ERC2: variants seen among roughly 807,000 people sequenced by gnomAD.
ERC2 encodes the protein ELKS/RAB6-interacting/CAST family member 2.
ERC2 carries 42 observed loss-of-function variants against 114.8 expected under a neutral mutation model. The observed-to-expected ratio is 0.37, with a 90% confidence interval of 0.29 to 0.47. The LOEUF (loss-of-function observed/expected upper bound fraction) is 0.47, where lower values mean the gene tolerates loss of function less well. Ranked by LOEUF, ERC2 falls within the 20% of genes least tolerant of loss-of-function variation. The pLI, the probability that ERC2 is intolerant of heterozygous loss-of-function variation, is 0.99. For missense variants in ERC2, 939 were observed against 1,150.7 expected (o/e 0.82, Z 2.66); for synonymous variants, 454 against 425.5 (o/e 1.07, Z -0.82).
At chr3:56,103,371 C>T (rs1028652998) in intron 6 of ERC2, among the ~76,000 whole-genome samples, 2 of 152,012 alleles carry the variant, frequency 1.3e-5, no homozygotes, top group Non-Finnish European at 2.9e-5. Context: ...CAAATATGCC[C>T]GCGAGAAGAA....
intron 1 of ERC2, among the ~76,000 whole-genome samples, chr3:56,465,993 C>T (rs566795127): frequency 7.9e-5 from 12 of 152,224 alleles, no homozygotes; most frequent in South Asian, 4.1e-4. Flanking sequence ...AAGACGAACC[C>T]GGGCTCAGGT....
chr3:55,580,392 T>TA (rs2057201192), intron 17 of ERC2, among the ~76,000 whole-genome samples: 1 of 152,162 alleles, frequency 6.6e-6, no homozygotes, highest in East Asian at 1.9e-4. Flanking sequence ...CTTTTCAATG[T>TA]CAGGAAACTC....
intron 14 of ERC2, among the ~76,000 whole-genome samples, chr3:55,796,642 T>G (rs1305384317): frequency 2.0e-5 from 3 of 152,178 alleles, no homozygotes; most frequent in Non-Finnish European, 4.4e-5. Context: ...GCCAGGCTGG[T>G]CTTGACTCCT....
chr3:55,929,759 T>C (rs1576241011), intron 13 of ERC2, among the ~76,000 whole-genome samples: 1 of 152,244 alleles, frequency 6.6e-6, no homozygotes, highest in African/African-American at 2.4e-5. Flanking sequence ...TCTCAGGAGA[T>C]CTGCTTGTTT....
chr3:55,705,857 CTTTTATTTTA>C (rs145166882), intron 15 of ERC2, among the ~76,000 whole-genome samples: 4 of 151,968 alleles, frequency 2.6e-5, no homozygotes, highest in African/African-American at 4.8e-5. Flanking sequence ...TCATTAAGCA[CTTTTATTTTA>C]TTTTATTTTA....
rs56851837 is a variant in ERC2, at chr3:55,942,266, CTTTTTTTTTTTTTTTT to C, written c.2403+8143_2403+8158del. 7.5e-3 allele frequency among the ~76,000 whole-genome samples: 314 copies of C among 42,100 alleles called. 3 individuals are homozygous for C. Among genetic ancestry groups the C allele is most frequent in the South Asian group, 0.063 (56 of 890 alleles). 27.6% of individuals were successfully genotyped at this position (42,100 alleles called of 152,430 possible). A position where few individuals can be genotyped will look rare whatever the true frequency, so the allele number is the denominator to read the frequency against. ...TATTAAATGAAGTCTAAGGTCCTTT[CTTTTTTTTTTTTTTTT>C]TTTTTTTTTTTTTTTTTTTTTGTTG... is the stretch of plus-strand genomic sequence containing the variant. On this transcript the variant is annotated intron_variant, in intron 13 of 17. Transcript: ENST00000288221.
chr3:55,795,199 GA>G (rs2070378766), intron 14 of ERC2, among the ~76,000 whole-genome samples: 1 of 152,080 alleles, frequency 6.6e-6, no homozygotes, highest in East Asian at 1.9e-4. Context: ...GGACAAACCG[GA>G]AAGATCCCCT....
At chr3:56,035,639 G>T (rs2074744937) in intron 7 of ERC2, among the ~76,000 whole-genome samples, 1 of 152,152 alleles carries the variant, frequency 6.6e-6, no homozygotes, top group Non-Finnish European at 1.5e-5. Flanking sequence ...TGTGCCTTTG[G>T]CTTTGTGAGG....
rs142071888 is a variant in ERC2 at position 55,654,929 on chromosome 3, G to A, written c.*39+28865C>T. Reference sequence around the variant, plus strand: ...TGGCCTGCTAGGCTCGACCATTTCAGTGTATGCAGCCCAACCTCTAACTGC... The same window carrying A: ...TGGCCTGCTAGGCTCGACCATTTCAATGTATGCAGCCCAACCTCTAACTGC... On this transcript the variant is annotated intron_variant, in intron 17 of 17. Transcript: ENST00000288221. 6.2e-3 allele frequency among the ~76,000 whole-genome samples: 942 copies of A among 152,312 alleles called. 3 individuals carry two copies. The highest frequency in any genetic ancestry group is 0.01 in the Admixed American group (158 of 15,308).
chr3:55,664,515 C>T (rs2061275263), intron 17 of ERC2, among the ~76,000 whole-genome samples: 2 of 152,222 alleles, frequency 1.3e-5, no homozygotes, highest in South Asian at 4.1e-4. Context: ...GCCATCGCTG[C>T]AGAGGAGACG....
At chr3:55,789,262 C>T (rs192167903) in intron 14 of ERC2, among the ~76,000 whole-genome samples, 212 of 152,330 alleles carry the variant, frequency 1.4e-3, no homozygotes, top group African/African-American at 5.0e-3. Context: ...GAGAGACTTT[C>T]TTTACTGCTT....
At chr3:55,755,202 G>T (rs1482936867) in intron 14 of ERC2, among the ~76,000 whole-genome samples, 1 of 151,854 alleles carries the variant, frequency 6.6e-6, no homozygotes, top group Non-Finnish European at 1.5e-5. Context: ...TGGTTTGTCT[G>T]TAAATATGGA....
At chr3:55,752,320 T>C (rs866366971) in intron 14 of ERC2, among the ~76,000 whole-genome samples, 1 of 152,230 alleles carries the variant, frequency 6.6e-6, no homozygotes, top group Non-Finnish European at 1.5e-5. Flanking sequence ...AGCTGGCTGC[T>C]AGCTAGCGAG....
chr3:55,691,841 C>T lies in ERC2; in HGVS notation c.2847+7537G>A, dbSNP rs115341626. 3.9e-3 allele frequency among the ~76,000 whole-genome samples: 597 copies of T among 151,696 alleles called. 4 individuals carry two copies. The highest frequency in any genetic ancestry group is 0.014 in the African/African-American group (567 of 41,336). ...CACATACATATATATGTATATATAA[C>T]GTATATTCAAACATGCACTCAGAGG... On this transcript the variant is annotated intron_variant, in intron 16 of 17. Coordinates refer to ENST00000288221, the MANE Select transcript of ERC2 (RefSeq NM_015576.3).
chr3:55,813,963 T>G (rs1334168216), intron 14 of ERC2, among the ~76,000 whole-genome samples: 1 of 152,078 alleles, frequency 6.6e-6, no homozygotes, highest in African/African-American at 2.4e-5. Context: ...AAAACCCACT[T>G]CAAAGCATGT....
At chr3:55,801,860 C>G (rs540455599) in intron 14 of ERC2, among the ~76,000 whole-genome samples, 4 of 152,358 alleles carry the variant, frequency 2.6e-5, no homozygotes, top group Non-Finnish European at 4.4e-5. Context: ...ACCCATGAAG[C>G]CTGCCCTGCC....
In ERC2 at chr3:55,689,007, T is replaced by C. The variant is rs915697114; in HGVS notation, c.2848-5148A>G. Among the ~76,000 whole-genome samples the C allele has an allele frequency of 4.6e-5, 7 of 152,150 alleles. No individual in the cohort carries two copies. In the South Asian group the frequency reaches 8.3e-4, roughly 18 times the overall value. ...CCCCAGTGGTGAAAGCGAAACTTCA[T>C]TGGCTGAGGGGGATCACAGTAGGAG... On this transcript the variant is annotated intron_variant, in intron 16 of 17. Transcript: ENST00000288221.
intron 2 of ERC2, among the ~76,000 whole-genome samples, chr3:56,425,367 G>A (rs955110358): frequency 6.6e-5 from 10 of 152,142 alleles, no homozygotes; most frequent in South Asian, 2.1e-4. Flanking sequence ...AACCAAGACC[G>A]CCCACCACAC....
intron 4 of ERC2, among the ~76,000 whole-genome samples, chr3:56,172,631 A>T (rs2082736781): frequency 6.6e-6 from 1 of 152,250 alleles, no homozygotes; most frequent in Non-Finnish European, 1.5e-5. Flanking sequence ...CATCTTGATT[A>T]TAAACTTGTT....
Sources: allele counts gnomAD v4.1 joint callset (sites outside exome capture counted in the v4.1 genomes callset), GRCh38; gene constraint gnomAD v4.1.1; transcripts MANE v1.5; gene names NCBI Gene and HGNC (gene_info 2026-07-23, HGNC 2026-07-21).